Variants in ECHDC1 observed in about 807,000 individuals in gnomAD.
ECHDC1 encodes the protein ethylmalonyl-CoA decarboxylase.
A neutral mutation model predicts 29.7 loss-of-function variants in ECHDC1; 29 were observed. The observed-to-expected ratio is 0.98, with a 90% CI of 0.73 to 1.33. The LOEUF (loss-of-function observed/expected upper bound fraction) is 1.33, where lower values mean the gene tolerates loss of function less well. Ranked by LOEUF, ECHDC1 falls within the 40% of genes most tolerant of loss-of-function variation. The probability of loss-of-function intolerance (pLI) is 0.00; values close to 1 mark genes in which losing one functional copy is unlikely to be tolerated. For synonymous variants in ECHDC1, 126 were observed against 123.1 expected (o/e 1.02, Z -0.15); for missense variants, 328 against 350.0 (o/e 0.94, Z 0.50).
chr6:127,298,201 C>T (rs1386691364), intron 5 of ECHDC1, among the ~76,000 whole-genome samples: 2 of 152,202 alleles, frequency 1.3e-5, no homozygotes, highest in South Asian at 2.1e-4. Context: ...ATTACTGTCA[C>T]GCCTTTCCTG....
chr6:127,312,631 T>C (rs183787505), intron 5 of ECHDC1, among the ~76,000 whole-genome samples: 139 of 152,336 alleles, frequency 9.1e-4, no homozygotes, highest in African/African-American at 3.2e-3. Flanking sequence ...TACTTATACA[T>C]GAATGTTCAC....
rs2114539449 is a variant in ECHDC1, at chr6:127,290,263, T to C, written c.512A>G (p.Glu171Gly). The change falls in exon 6 of 6, where the codon GAG (glutamate) becomes GGG (glycine). Residue 171 changes from glutamate (E) to glycine (G), a missense_variant. Glu to Gly is a moderately conservative substitution (Grantham distance 98). Coordinates refer to ENST00000454859, the MANE Select transcript of ECHDC1 (RefSeq NM_001002030.2). ...TACDFRLMTP[E>G]SKIRFVHKEM... ...TTTGTGGACGAATCTGATCTTACTC[T>C]CTGGAGTCATTAACCTGTAAAAGAA... 6.2e-7 allele frequency: 1 copy of C among 1,612,386 alleles called. No homozygotes were observed.
rs547933100 is a variant in ECHDC1, at chr6:127,311,493, G to A, written c.497+3323C>T. ...AGTTCGAGACCAACCTGGCCAACAT[G>A]GTGAAACCCCATCTCTACTAAAAGT... is the stretch of plus-strand genomic sequence containing the variant. On this transcript the variant is annotated intron_variant, in intron 5 of 5. Coordinates refer to ENST00000454859, the MANE Select transcript of ECHDC1 (RefSeq NM_001002030.2). 2.6e-4 allele frequency among the ~76,000 whole-genome samples: 39 copies of A among 151,760 alleles called. 1 individual carries two copies. The highest frequency in any genetic ancestry group is 3.4e-3 in the Middle Eastern group (1 of 294).
In ECHDC1 at chr6:127,323,116, G is replaced by A. The variant is rs569653635; in HGVS notation, c.363+3886C>T. Among the ~76,000 whole-genome samples, 8 of 152,156 alleles carry A rather than the reference G, an allele frequency of 5.3e-5. No individual in the cohort carries two copies. The East Asian group carries it at 1.4e-3, about 26-fold the overall frequency. ...TACCTCCAGGCTGTGTGTTTAAGGT[G>A]TATATGAAATATAAGTGAATTTTTT... On this transcript the variant is annotated intron_variant, in intron 3 of 5. Coordinates refer to ENST00000454859, the MANE Select transcript of ECHDC1 (RefSeq NM_001002030.2).
At chr6:127,325,414 GTTTCTT>G (rs1367112682) in intron 3 of ECHDC1, among the ~76,000 whole-genome samples, 1 of 152,124 alleles carries the variant, frequency 6.6e-6, no homozygotes, top group Non-Finnish European at 1.5e-5. Flanking sequence ...GAAGTGTGGA[GTTTCTT>G]TTTTCTTTTT....
chr6:127,322,659 T>TATATAC (rs1554244182), intron 3 of ECHDC1, among the ~76,000 whole-genome samples: 1 of 151,304 alleles, frequency 6.6e-6, no homozygotes, highest in Non-Finnish European at 1.5e-5. Flanking sequence ...TATATATATA[T>TATATAC]ACAATGATGT....
At chr6:127,309,749 T>C (rs1781745948) in intron 5 of ECHDC1, among the ~76,000 whole-genome samples, 1 of 152,144 alleles carries the variant, frequency 6.6e-6, no homozygotes, top group South Asian at 2.1e-4. Context: ...ACAGATTGTA[T>C]GGGAAGCATG....
intron 5 of ECHDC1, among the ~76,000 whole-genome samples, chr6:127,291,276 C>CTTTTTTT (rs57066162): frequency 7.5e-6 from 1 of 133,280 alleles, no homozygotes; most frequent in Non-Finnish European, 1.6e-5. Context: ...GCTCTTATAC[C>CTTTTTTT]TTTTTTTTTT....
At chr6:127,328,156 G>A (rs1443647523) in intron 2 of ECHDC1, among the ~76,000 whole-genome samples, 4 of 152,334 alleles carry the variant, frequency 2.6e-5, no homozygotes, top group East Asian at 3.9e-4. Flanking sequence ...TGGCTCCACA[G>A]TAAATGTTAT....
chr6:127,298,601 C>T (rs888772211), intron 5 of ECHDC1, among the ~76,000 whole-genome samples: 1 of 152,128 alleles, frequency 6.6e-6, no homozygotes, highest in East Asian at 1.9e-4. Flanking sequence ...GGTATACAGT[C>T]ATGCACTGAA....
chr6:127,309,480 AACAC>A (rs58621326), intron 5 of ECHDC1, among the ~76,000 whole-genome samples: 1,695 of 137,980 alleles, frequency 0.012, 25 homozygotes, highest in Non-Finnish European at 0.016. Context: ...CAAACAACAA[AACAC>A]ACACACACAC....
chr6:127,306,025 A>G (rs1781411740), intron 5 of ECHDC1, among the ~76,000 whole-genome samples: 1 of 151,954 alleles, frequency 6.6e-6, no homozygotes, highest in African/African-American at 2.4e-5. Context: ...AAAAAAAAAA[A>G]AAAAAGACCA....
chr6:127,319,770 T>C (rs757217406), intron 3 of ECHDC1, among the ~76,000 whole-genome samples: 7 of 152,194 alleles, frequency 4.6e-5, no homozygotes, highest in Non-Finnish European at 1.0e-4. Flanking sequence ...TCATGCTATC[T>C]GGATGATACC....
Position 127,314,809 on chromosome 6 carries a change from A to G in ECHDC1, c.497+7T>C. 1 of 1,596,276 alleles carries G rather than the reference A, an allele frequency of 6.3e-7. No homozygotes were observed. The highest frequency in any genetic ancestry group is 8.5e-7 in the Non-Finnish European group (1 of 1,173,598). On this transcript the variant is annotated splice_region_variant and intron_variant, in intron 5 of 5. Coordinates refer to ENST00000454859, the MANE Select transcript of ECHDC1 (RefSeq NM_001002030.2). ...TGTGCAAGAAATTAATGAAATTTTCATCCTACCTGAAATCACATGCTGTAG... is the reference window on the plus strand; with the variant it reads ...TGTGCAAGAAATTAATGAAATTTTCGTCCTACCTGAAATCACATGCTGTAG...
intron 5 of ECHDC1, among the ~76,000 whole-genome samples, chr6:127,291,619 C>T (rs1303642977): frequency 6.6e-6 from 1 of 152,152 alleles, no homozygotes; most frequent in Non-Finnish European, 1.5e-5. Context: ...TTTATTTTGA[C>T]TGCATGCTTC....
At chr6:127,336,920 T>G (rs1784472214) in intron 1 of ECHDC1, among the ~76,000 whole-genome samples, 1 of 152,174 alleles carries the variant, frequency 6.6e-6, no homozygotes, top group South Asian at 2.1e-4. Context: ...CAGACTTTAT[T>G]GAGAAATGCC....
chr6:127,335,657 A>G (rs1372180978), intron 1 of ECHDC1, among the ~76,000 whole-genome samples: 1 of 152,050 alleles, frequency 6.6e-6, no homozygotes, highest in Non-Finnish European at 1.5e-5. Flanking sequence ...GCCAGCAGCT[A>G]TGGTTACCGA....
chr6:127,294,496 A>C (rs1780434200), intron 5 of ECHDC1: 1 of 152,190 alleles, frequency 6.6e-6, no homozygotes, highest in African/African-American at 2.4e-5. Context: ...TTCTCCCTAT[A>C]ATCTCACCTT....
chr6:127,307,494 T>G (rs1288043658), intron 5 of ECHDC1, among the ~76,000 whole-genome samples: 1 of 151,550 alleles, frequency 6.6e-6, no homozygotes, highest in Non-Finnish European at 1.5e-5. Context: ...CTGGGCATGG[T>G]GGCATGCACC....
Sources: gnomAD v4.1 joint callset for allele counts (sites outside exome capture counted in the v4.1 genomes callset) on GRCh38, gnomAD v4.1.1 for gene constraint, MANE v1.5 for transcripts, NCBI Gene and HGNC (gene_info 2026-07-23, HGNC 2026-07-21) for gene names.